Variants in SLC45A1 observed in about 807,000 individuals in gnomAD.
SLC45A1 encodes solute carrier family 45 member 1.
In SLC45A1, 28 loss-of-function variants were observed where a neutral mutation model predicts 57.6. The ratio of observed to expected loss-of-function variants is 0.49; its 90% CI spans 0.36 to 0.67. The LOEUF (loss-of-function observed/expected upper bound fraction) is 0.67. SLC45A1 is among the 30% of genes least tolerant of loss of function. The pLI is 0.00. For missense variants in SLC45A1, 814 were observed against 1,041.5 expected (o/e 0.78, Z 3.01); for synonymous variants, 459 against 471.5 (o/e 0.97, Z 0.34).
intron 8 of SLC45A1, among the ~76,000 whole-genome samples, chr1:8,342,325 G>T (rs543022163): frequency 3.3e-5 from 5 of 152,168 alleles, no homozygotes; most frequent in Non-Finnish European, 7.3e-5. Flanking sequence ...GATGTGCACC[G>T]TTCGGCGGTT....
At chr1:8,342,641 A>G (rs1640862745) in intron 8 of SLC45A1, among the ~76,000 whole-genome samples, 1 of 152,152 alleles carries the variant, frequency 6.6e-6, no homozygotes, top group South Asian at 2.1e-4. Context: ...TTCCCACCAT[A>G]ATTTTCCTTT....
At position 8,324,358 on chromosome 1, in the gene SLC45A1, C is replaced by T. The variant is rs202124557; in HGVS notation, c.29C>T (p.Pro10Leu). The T allele has an allele frequency of 5.2e-5, 84 of 1,612,706 alleles. No homozygotes were observed. Among genetic ancestry groups the T allele is most frequent in the Non-Finnish European group, 6.2e-5 (73 of 1,179,914 alleles). Residue 10 changes from proline (P) to leucine (L), a missense_variant, in exon 2 of 9, where the codon CCG becomes CTG. Transcript: ENST00000471889. ...ATCCCCGCAGCCAGCAGCACCCCGC[C>T]GGGAGATGCCCTCTTCCCCAGCGTG... MIPAASSTP[P>L]GDALFPSVAP...
At chr1:8,324,938 C>T (rs1456459571) in intron 2 of SLC45A1, among the ~76,000 whole-genome samples, 2 of 152,180 alleles carry the variant, frequency 1.3e-5, no homozygotes, top group African/African-American at 2.4e-5. Context: ...GATTTAGCAG[C>T]TCCCCGAGGG....
At position 8,344,129 on chromosome 1, in the gene SLC45A1, A is replaced by G; in HGVS notation, c.*116A>G. 1 of 955,020 alleles carries G rather than the reference A, an allele frequency of 1.0e-6. No homozygotes were observed. Among genetic ancestry groups the G allele is most frequent in the Non-Finnish European group, 1.5e-6 (1 of 661,838 alleles). The allele number at this position is 955,020 out of a possible 1,614,324, so 59.2% of individuals were successfully genotyped here. A position where few individuals can be genotyped will look rare whatever the true frequency, so the allele number is the denominator to read the frequency against. On this transcript the variant is annotated 3_prime_UTR_variant, in exon 9 of 9. Transcript: ENST00000471889. Reference sequence around the variant, plus strand: ...GGGACTGGCTGCCTACTGGAATGTAAATATGTGATAAAATAATAAATGACA... The same window carrying G: ...GGGACTGGCTGCCTACTGGAATGTAGATATGTGATAAAATAATAAATGACA...
rs746591057 is a variant in SLC45A1 at position 8,325,570 on chromosome 1, C to T, written c.490+180C>T. Among the ~76,000 whole-genome samples the T allele has an allele frequency of 2.2e-4, 33 of 152,128 alleles. No individual in the cohort carries two copies. Among genetic ancestry groups the T allele is most frequent in the African/African-American group, 7.5e-4 (31 of 41,412 alleles). ...GCCTCAGTTAACTGTGAGAATAGAT[C>T]GCTTTGATCATTTTTAAAAATTGAG... On this transcript the variant is annotated intron_variant, in intron 3 of 8. Coordinates refer to ENST00000471889, the MANE Select transcript of SLC45A1 (RefSeq NM_001080397.3). This position sits in a 1 kb window ranked among gnomAD's most constrained non-coding sequence, Gnocchi z 6.3.
Position 8,335,587 on chromosome 1 carries a change from C to T in SLC45A1, c.1594C>T (p.Leu532=). ...ALRTLCVNHF[L]GWLSFEGMLL... is the part of the protein sequence containing the mutation. ...ACGCACCCTCTGCGTCAACCACTTC[C>T]TGGGTGAGCTCCCGGCCAAGCCTCC... The change falls in exon 6 of 9, where the codon CTG becomes TTG. Residue 532 remains leucine (L), a synonymous_variant. Transcript: ENST00000471889. The surrounding 1 kb of genome is among the most constrained non-coding windows in gnomAD (Gnocchi z 4.1). 1 of 1,599,144 alleles carries T rather than the reference C, an allele frequency of 6.3e-7. No individual in the cohort carries two copies. Among genetic ancestry groups the T allele is most frequent in the Non-Finnish European group, 8.5e-7 (1 of 1,175,544 alleles).
Position 8,339,515 on chromosome 1 carries a change from G to T in SLC45A1, c.1797G>T (p.Glu599Asp). 1 of 1,614,180 alleles carries T rather than the reference G, an allele frequency of 6.2e-7. No homozygotes were observed. The highest frequency in any genetic ancestry group is 8.5e-7 in the Non-Finnish European group (1 of 1,180,034). The change falls in exon 8 of 9, where the codon GAG becomes GAT. Residue 599 changes from glutamate to aspartate, a missense_variant. Glu to Asp is a conservative substitution (Grantham distance 45). Coordinates refer to ENST00000471889, the MANE Select transcript of SLC45A1 (RefSeq NM_001080397.3). ...CAGCTATCCTGGAGAAGCTGGAGGA[G>T]TTCCTCAGCGTCCGCACCCTCTACT... Reference protein sequence around the residue: ...FYSAILEKLEEFLSVRTLYFI... With the variant: ...FYSAILEKLEDFLSVRTLYFI...
At chr1:8,322,733 A>G (rs1237220594) in intron 1 of SLC45A1, among the ~76,000 whole-genome samples, 1 of 152,218 alleles carries the variant, frequency 6.6e-6, no homozygotes, top group Non-Finnish European at 1.5e-5. Context: ...ATCTTGGTCA[A>G]TGACAAGCGC....
chr1:8,326,114 C>T lies in SLC45A1; in HGVS notation c.715+72C>T. 2.6e-6 allele frequency: 3 copies of T among 1,156,582 alleles called. No homozygotes were observed. Among genetic ancestry groups the T allele is most frequent in the Non-Finnish European group, 3.8e-6 (3 of 797,206 alleles). The allele number at this position is 1,156,582 out of a possible 1,614,324, so 71.6% of individuals were successfully genotyped here. A position where few individuals can be genotyped will look rare whatever the true frequency, so the allele number is the denominator to read the frequency against. On this transcript the variant is annotated intron_variant, in intron 4 of 8. Transcript: ENST00000471889. The surrounding 1 kb of genome is among the most constrained non-coding windows in gnomAD (Gnocchi z 5.5). Reference sequence around the variant, plus strand: ...CTTCAGACGTGTGGCTTTCGAGGCCCTTCCTCACTCCCTGATTTAACAAAG... The same window carrying T: ...CTTCAGACGTGTGGCTTTCGAGGCCTTTCCTCACTCCCTGATTTAACAAAG...
chr1:8,325,438 C>T lies in SLC45A1; in HGVS notation c.490+48C>T. 6 of 1,323,412 alleles carry T rather than the reference C, an allele frequency of 4.5e-6. No individual in the cohort carries two copies. The highest frequency in any genetic ancestry group is 6.4e-6 in the Non-Finnish European group (6 of 930,312). The allele number at this position is 1,323,412 out of a possible 1,614,324, so 82.0% of individuals were successfully genotyped here. A position where few individuals can be genotyped will look rare whatever the true frequency, so the allele number is the denominator to read the frequency against. On this transcript the variant is annotated intron_variant, in intron 3 of 8. Coordinates refer to ENST00000471889, the MANE Select transcript of SLC45A1 (RefSeq NM_001080397.3). The surrounding 1 kb of genome is among the most constrained non-coding windows in gnomAD (Gnocchi z 6.3). ...TAAAATGGAGAGGAAAAAAAAAAGG[C>T]CCCAACTGCTTCCTTTTAGGAAAAT...
chr1:8,335,676 C>A lies in SLC45A1; in HGVS notation c.1597+86C>A, dbSNP rs1640587598. ...GGCCTCCCAGGATGCCCCTGAGCCT[C>A]CCTTCCCAGAACCTTTCTGAGTTCA... On this transcript the variant is annotated intron_variant, in intron 6 of 8. Coordinates refer to ENST00000471889, the MANE Select transcript of SLC45A1 (RefSeq NM_001080397.3). This position sits in a 1 kb window ranked among gnomAD's most constrained non-coding sequence, Gnocchi z 4.1. 7.0e-7 allele frequency: 1 copy of A among 1,418,824 alleles called. No individual in the cohort carries two copies. The highest frequency in any genetic ancestry group is 9.4e-7 in the Non-Finnish European group (1 of 1,065,432). 87.9% of individuals were successfully genotyped at this position (1,418,824 alleles called of 1,614,324 possible).
At chr1:8,323,490 CAAAAAAA>C (rs34956825) in intron 1 of SLC45A1, among the ~76,000 whole-genome samples, 14 of 127,542 alleles carry the variant, frequency 1.1e-4, no homozygotes, top group Admixed American at 7.6e-4. Context: ...GACTCTGTCT[CAAAAAAA>C]AAAAAAAAAA....
intron 1 of SLC45A1, among the ~76,000 whole-genome samples, chr1:8,321,784 A>C (rs1285262276): frequency 6.6e-6 from 1 of 151,632 alleles, no homozygotes; most frequent in East Asian, 1.9e-4. Flanking sequence ...AGATGAATGG[A>C]AGAGAGGATG....
chr1:8,324,102 A>T lies in SLC45A1; in HGVS notation c.-24-204A>T, dbSNP rs1381244727. 3.3e-5 allele frequency among the ~76,000 whole-genome samples: 5 copies of T among 152,108 alleles called. No individual in the cohort carries two copies. In the East Asian group the frequency reaches 9.6e-4, roughly 29 times the overall value. On this transcript the variant is annotated intron_variant, in intron 1 of 8. Transcript: ENST00000471889. ...CTGCAGGACGGGGGTCCTCTCTCTG[A>T]GTAGGGAAGGCACTGGGCTTTGGCC...
Position 8,339,836 on chromosome 1 carries a change from A to AG in SLC45A1, c.1980+144dup, listed in dbSNP as rs529375660. On this transcript the variant is annotated intron_variant, in intron 8 of 8. Transcript: ENST00000471889. ...ACAGCGACCACAGAGCATGAAACCA[A>AG]GGGGGGCCCTTCTGAGTCTGGGGCG... The AG allele has an allele frequency of 8.3e-5, 68 of 820,838 alleles. No individual in the cohort carries two copies. The African/African-American group carries it at 1.0e-3, about 12-fold the overall frequency. 50.8% of individuals were successfully genotyped at this position (820,838 alleles called of 1,614,324 possible).
intron 5 of SLC45A1, among the ~76,000 whole-genome samples, chr1:8,333,310 T>G (rs186451391): frequency 7.3e-4 from 111 of 152,248 alleles, no homozygotes; most frequent in African/African-American, 2.6e-3. Flanking sequence ...CTTACTTTTT[T>G]AAAAAATGTA....
chr1:8,331,086 G>A, intron 5 of SLC45A1, 150 bp downstream of exon 5: 2 of 1,026,942 alleles, frequency 1.9e-6, no homozygotes, highest in Non-Finnish European at 2.7e-6. Context: ...AAAGAGAAAA[G>A]CCTTAGAGGC....
intron 6 of SLC45A1, among the ~76,000 whole-genome samples, chr1:8,336,744 T>G (rs944484022): frequency 6.6e-6 from 1 of 152,214 alleles, no homozygotes; most frequent in Non-Finnish European, 1.5e-5. Flanking sequence ...CAAGTCTATT[T>G]AATAATTCTT....
rs1640246434 is a variant in SLC45A1, at chr1:8,327,766, C to A, written c.715+1724C>A. Among the ~76,000 whole-genome samples, 1 of 152,178 alleles carries A rather than the reference C, an allele frequency of 6.6e-6. No homozygotes were observed. The highest frequency in any genetic ancestry group is 2.4e-5 in the African/African-American group (1 of 41,452). ...GCAACTGGGGCTGGGCGTGGTGGCT[C>A]ATGCCTGTAACCCCAGCACTTTGAG... On this transcript the variant is annotated intron_variant, in intron 4 of 8. Coordinates refer to ENST00000471889, the MANE Select transcript of SLC45A1 (RefSeq NM_001080397.3). The surrounding 1 kb of genome is among the most constrained non-coding windows in gnomAD (Gnocchi z 4.3).
Sources: gnomAD v4.1 joint callset for allele counts (sites outside exome capture counted in the v4.1 genomes callset) on GRCh38, gnomAD v4.1.1 for gene constraint, Gnocchi (gnomAD v3.1) non-coding constraint, MANE v1.5 for transcripts, NCBI Gene and HGNC (gene_info 2026-07-23, HGNC 2026-07-21) for gene names.